EPAS1: variants seen among roughly 807,000 people sequenced by gnomAD.
EPAS1 encodes the protein endothelial PAS domain protein 1.
In EPAS1, 23 loss-of-function variants were observed where a neutral mutation model predicts 87.9. The ratio of observed to expected loss-of-function variants is 0.26; its 90% confidence interval spans 0.19 to 0.37. The LOEUF (loss-of-function observed/expected upper bound fraction) is 0.37. Ranked by LOEUF, EPAS1 falls within the 10% of genes least tolerant of loss-of-function variation. The pLI, the probability that EPAS1 is intolerant of heterozygous loss-of-function variation, is 1.00. For missense variants in EPAS1, 1,138 were observed against 1,120.7 expected, an observed-to-expected ratio of 1.02 and a Z score of -0.22; for synonymous variants, 508 against 444.3, an observed-to-expected ratio of 1.14 and a Z score of -1.80.
intron 2 of EPAS1, among the ~76,000 whole-genome samples, chr2:46,354,342 T>C (rs996932262): frequency 5.9e-5 from 9 of 152,192 alleles, no homozygotes; most frequent in Admixed American, 5.9e-4. Context: ...CCACTTGTTC[T>C]GTAAATCAAG....
chr2:46,316,430 T>C (rs1307254029), intron 1 of EPAS1, among the ~76,000 whole-genome samples: 1 of 152,036 alleles, frequency 6.6e-6, no homozygotes, highest in Non-Finnish European at 1.5e-5. Flanking sequence ...CCAGCTAATT[T>C]TTGTGTTTTT....
chr2:46,373,639 T>C (rs1412659991), intron 7 of EPAS1, among the ~76,000 whole-genome samples: 2 of 152,140 alleles, frequency 1.3e-5, no homozygotes, highest in African/African-American at 2.4e-5. Flanking sequence ...GGAATGAAGA[T>C]TAACTGCCCA....
chr2:46,340,054 A>G (rs1478622261), intron 1 of EPAS1, among the ~76,000 whole-genome samples: 1 of 152,218 alleles, frequency 6.6e-6, no homozygotes, highest in African/African-American at 2.4e-5. Context: ...GAAGCTAAGC[A>G]CAGGGACAGT....
Position 46,356,136 on chromosome 2 carries a change from C to G in EPAS1, c.218-15C>G, listed in dbSNP as rs747472503. On this transcript the variant is annotated splice_polypyrimidine_tract_variant and intron_variant, in intron 2 of 15. Coordinates refer to ENST00000263734, the MANE Select transcript of EPAS1 (RefSeq NM_001430.5). ...CCACATTCATGCAAGCTGTCCCACCCCCCCCCCTTTCCAGTTTGCTCTGAA... is the reference window on the plus strand; with the variant it reads ...CCACATTCATGCAAGCTGTCCCACCGCCCCCCCTTTCCAGTTTGCTCTGAA... The G allele has an allele frequency of 5.9e-5, 75 of 1,274,966 alleles. 4 individuals are homozygous for G. Among genetic ancestry groups the G allele is most frequent in the Non-Finnish European group, 7.8e-5 (71 of 912,432 alleles). 79.0% of individuals were successfully genotyped at this position (1,274,966 alleles called of 1,614,324 possible).
In EPAS1 at chr2:46,346,892, AAGG is replaced by A. The variant is rs1271482137; in HGVS notation, c.49_51del (p.Glu17del). ...ACTTAGGAGTAGCTCGGAGAGGAGG[AAGG>A]AGAAGTCCCGGGATGCTGCGCGGTG... On this transcript the variant is annotated inframe_deletion, in exon 2 of 16. Coordinates refer to ENST00000263734, the MANE Select transcript of EPAS1 (RefSeq NM_001430.5). The surrounding 1 kb of genome is among the most constrained non-coding windows in gnomAD (Gnocchi z 4.0). 2 of 1,614,154 alleles carry A rather than the reference AAGG, an allele frequency of 1.2e-6. No homozygotes were observed. Among genetic ancestry groups the A allele is most frequent in the East Asian group, 2.2e-5 (1 of 44,874 alleles).
In EPAS1 at chr2:46,297,990, T is replaced by C. The variant is rs1682919688; in HGVS notation, c.26+53T>C. The stretch of plus-strand genomic sequence containing the variant: ...GGCCGGTCCGAGGCCAGGGCCGGGC[T>C]GCGCGGGGCAGGCGCGACCGAGAGT... On this transcript the variant is annotated intron_variant, in intron 1 of 15. Transcript: ENST00000263734. 1.9e-6 allele frequency: 3 copies of C among 1,602,502 alleles called. No individual in the cohort carries two copies. In the South Asian group the frequency reaches 3.3e-5, roughly 18 times the overall value.
Position 46,360,577 on chromosome 2 carries a change from C to T in EPAS1, c.455-61C>T. 1 of 1,441,228 alleles carries T rather than the reference C, an allele frequency of 6.9e-7. No individual in the cohort carries two copies. The highest frequency in any genetic ancestry group is 9.8e-7 in the Non-Finnish European group (1 of 1,022,936). 89.3% of individuals were successfully genotyped at this position (1,441,228 alleles called of 1,614,324 possible). On this transcript the variant is annotated intron_variant, in intron 4 of 15. Coordinates refer to ENST00000263734, the MANE Select transcript of EPAS1 (RefSeq NM_001430.5). The surrounding 1 kb of genome is among the most constrained non-coding windows in gnomAD (Gnocchi z 4.5). The stretch of plus-strand genomic sequence containing the variant: ...GCCAAGAAAAACTGCAGCTGGGCCC[C>T]TCTCATGAATATCCATATAAAACTG...
chr2:46,382,705 C>G (rs1684928720), intron 15 of EPAS1, 107 bp downstream of exon 15: 1 of 1,467,852 alleles, frequency 6.8e-7, no homozygotes, highest in Non-Finnish European at 9.3e-7. Context: ...CAGGGAGGTG[C>G]TTGACTTGAA....
At chr2:46,374,740 A>G (rs2881325) in intron 7 of EPAS1, among the ~76,000 whole-genome samples, 5,408 of 152,260 alleles carry the variant, frequency 0.036, 327 homozygotes, top group African/African-American at 0.12. Context: ...AAATTCTAAC[A>G]TTATTAGACT....
chr2:46,322,598 T>C (rs1467601978), intron 1 of EPAS1, among the ~76,000 whole-genome samples: 1 of 152,194 alleles, frequency 6.6e-6, no homozygotes, highest in Non-Finnish European at 1.5e-5. Context: ...TGGACCACAC[T>C]ATGAGAACCA....
intron 1 of EPAS1, among the ~76,000 whole-genome samples, chr2:46,328,447 A>G (rs1369045872): frequency 6.6e-6 from 1 of 152,204 alleles, no homozygotes; most frequent in Non-Finnish European, 1.5e-5. Context: ...ATGAAGTGCA[A>G]GCTTGAACTC....
At chr2:46,364,205 T>A (rs1030375588) in intron 6 of EPAS1, among the ~76,000 whole-genome samples, 2 of 152,172 alleles carry the variant, frequency 1.3e-5, no homozygotes, top group Non-Finnish European at 1.5e-5. Flanking sequence ...ATCAGGAAAT[T>A]CACTAGGTTT....
chr2:46,313,848 G>A (rs1300689940), intron 1 of EPAS1, among the ~76,000 whole-genome samples: 1 of 152,216 alleles, frequency 6.6e-6, no homozygotes, highest in East Asian at 1.9e-4. Context: ...CATGGTTACT[G>A]CCATATCCTC....
chr2:46,326,396 A>T (rs1185519514), intron 1 of EPAS1, among the ~76,000 whole-genome samples: 1 of 152,160 alleles, frequency 6.6e-6, no homozygotes, highest in East Asian at 1.9e-4. Context: ...CATGATGAAT[A>T]GGTGCAGAGA....
chr2:46,346,818 G>C lies in EPAS1; in HGVS notation c.27-55G>C. 1.9e-6 allele frequency: 3 copies of C among 1,598,168 alleles called. No homozygotes were observed. Among genetic ancestry groups the C allele is most frequent in the Non-Finnish European group, 2.6e-6 (3 of 1,169,248 alleles). On this transcript the variant is annotated intron_variant, in intron 1 of 15. Coordinates refer to ENST00000263734, the MANE Select transcript of EPAS1 (RefSeq NM_001430.5). This position sits in a 1 kb window ranked among gnomAD's most constrained non-coding sequence, Gnocchi z 4.0. ...GGGCCATGGGGATGTCCTGGCCAGA[G>C]GTATGATAGGCTGACAGTAACCTTT... is the stretch of plus-strand genomic sequence containing the variant.
chr2:46,307,875 T>C (rs562847331), intron 1 of EPAS1, among the ~76,000 whole-genome samples: 1 of 152,256 alleles, frequency 6.6e-6, no homozygotes, highest in African/African-American at 2.4e-5. Flanking sequence ...CAGAGTGGGA[T>C]AGGGGTTTCT....
rs373771844 is a variant in EPAS1 at position 46,380,205 on chromosome 2, T to C, written c.1555-22T>C. 4 of 1,605,714 alleles carry C rather than the reference T, an allele frequency of 2.5e-6. No homozygotes were observed. The African/African-American group carries it at 4.0e-5, about 16-fold the overall frequency. On this transcript the variant is annotated intron_variant, in intron 11 of 15. Transcript: ENST00000263734. The surrounding 1 kb of genome is among the most constrained non-coding windows in gnomAD (Gnocchi z 4.4). Reference sequence around the variant, plus strand: ...GGTCGTACCAACCCCCTTGCCTCTTTGCCGGTGCTGTCTCCCCTCAGACGG... The same window carrying C: ...GGTCGTACCAACCCCCTTGCCTCTTCGCCGGTGCTGTCTCCCCTCAGACGG...
chr2:46,309,533 G>T (rs1457357192), intron 1 of EPAS1, among the ~76,000 whole-genome samples: 1 of 152,206 alleles, frequency 6.6e-6, no homozygotes, highest in Non-Finnish European at 1.5e-5. Context: ...AATAGTTAGG[G>T]AAGTGATTAG....
At chr2:46,303,772 G>C (rs1469854578) in intron 1 of EPAS1, among the ~76,000 whole-genome samples, 1 of 152,178 alleles carries the variant, frequency 6.6e-6, no homozygotes, top group Non-Finnish European at 1.5e-5. Context: ...CCTTGCTCTT[G>C]GATGTCTGAT....
Sources: gnomAD v4.1 joint callset for allele counts (sites outside exome capture counted in the v4.1 genomes callset) on GRCh38, gnomAD v4.1.1 for gene constraint, Gnocchi (gnomAD v3.1) non-coding constraint, MANE v1.5 for transcripts, NCBI Gene and HGNC (gene_info 2026-07-23, HGNC 2026-07-21) for gene names.